The following NRG1 variants were observed in gnomAD, a reference collection of about 807,000 sequenced individuals.
NRG1 encodes the protein pro-neuregulin-1, membrane-bound isoform.
A neutral mutation model predicts 63.8 loss-of-function variants in NRG1; 18 were observed. The ratio of observed to expected loss-of-function variants is 0.28; its 90% CI spans 0.19 to 0.42. The LOEUF is 0.42. NRG1 is among the 10% of genes least tolerant of loss of function. The pLI is 1.00. For synonymous variants in NRG1, 302 were observed against 301.3 expected (o/e 1.00, Z -0.02); for missense variants, 762 against 814.7 (o/e 0.94, Z 0.79).
chr8:31,671,103 C>T (rs1010733355), intron 1 of NRG1, among the ~76,000 whole-genome samples: 1 of 152,030 alleles, frequency 6.6e-6, no homozygotes, highest in Non-Finnish European at 1.5e-5. Context: ...TTGTGGCCTC[C>T]AGCTCCATCT....
At chr8:32,364,002 G>A (rs1807593031) in intron 1 of NRG1, among the ~76,000 whole-genome samples, 2 of 145,770 alleles carry the variant, frequency 1.4e-5, no homozygotes, top group South Asian at 4.4e-4. Flanking sequence ...AATTTTTTAA[G>A]AGAACAAAAA....
intron 1 of NRG1, among the ~76,000 whole-genome samples, chr8:32,033,091 ATTTT>A (rs898802902): frequency 9.0e-6 from 1 of 111,608 alleles, no homozygotes. Context: ...TGTGCAGTCT[ATTTT>A]TTTTTTTTTT....
chr8:31,702,917 A>G (rs893083978), intron 1 of NRG1, among the ~76,000 whole-genome samples: 10 of 151,842 alleles, frequency 6.6e-5, no homozygotes, highest in Non-Finnish European at 1.2e-4. Flanking sequence ...CAAGGCCTGC[A>G]GTATAGATGG....
chr8:32,740,030 G>A (rs1413696032), intron 6 of NRG1, among the ~76,000 whole-genome samples: 2 of 151,878 alleles, frequency 1.3e-5, no homozygotes, highest in East Asian at 1.9e-4. Context: ...TCCTGGTAGA[G>A]AAACAAATAA....
chr8:31,807,642 G>C (rs1051657877), intron 1 of NRG1, among the ~76,000 whole-genome samples: 1 of 152,124 alleles, frequency 6.6e-6, no homozygotes, highest in East Asian at 1.9e-4. Context: ...CTGCAATACA[G>C]TATTGTTGAC....
At chr8:32,351,349 G>T (rs1377240453) in intron 1 of NRG1, among the ~76,000 whole-genome samples, 2 of 152,124 alleles carry the variant, frequency 1.3e-5, no homozygotes, top group African/African-American at 4.8e-5. Flanking sequence ...CATAAACCCT[G>T]ATATTGTATA....
chr8:32,240,994 C>T (rs1848045703), intron 1 of NRG1, among the ~76,000 whole-genome samples: 1 of 152,032 alleles, frequency 6.6e-6, no homozygotes, highest in Non-Finnish European at 1.5e-5. Context: ...AAAAGCAATA[C>T]AAGCCAGCAG....
intron 1 of NRG1, among the ~76,000 whole-genome samples, chr8:32,510,801 A>G (rs992682346): frequency 5.9e-5 from 9 of 152,112 alleles, no homozygotes; most frequent in African/African-American, 2.2e-4. Context: ...TCTCTAGTCC[A>G]GGCCATACCC....
chr8:32,284,489 G>GCCTTCCTTCCTTCCTTCCTT lies in NRG1; in HGVS notation c.38-311305_38-311286dup, dbSNP rs367763292. On this transcript the variant is annotated intron_variant, in intron 1 of 10. Coordinates refer to the NRG1 transcript ENST00000519301. ...ATAATGCTTGCCTCCCTGCCTGCCT[G>GCCTTCCTTCCTTCCTTCCTT]CCTTCCTTCCTTCCTTCCTTCCTTC... 3.6e-3 allele frequency among the ~76,000 whole-genome samples: 473 copies of GCCTTCCTTCCTTCCTTCCTT among 132,584 alleles called. 3 individuals are homozygous for GCCTTCCTTCCTTCCTTCCTT. The highest frequency in any genetic ancestry group is 5.0e-3 in the Non-Finnish European group (314 of 62,832). The allele number at this position is 132,584 out of a possible 152,430, so 87.0% of individuals were successfully genotyped here.
At chr8:32,708,267 T>C (rs953139851) in intron 5 of NRG1, among the ~76,000 whole-genome samples, 1 of 152,184 alleles carries the variant, frequency 6.6e-6, no homozygotes, top group Non-Finnish European at 1.5e-5. Flanking sequence ...GAAACAGCTT[T>C]TAGTCTTATC....
intron 1 of NRG1, among the ~76,000 whole-genome samples, chr8:32,475,031 G>T (rs543042938): frequency 3.3e-5 from 5 of 151,902 alleles, no homozygotes; most frequent in Non-Finnish European, 5.9e-5. Flanking sequence ...ATTATTTTTC[G>T]AATTTTGGCA....
At chr8:31,823,710 A>G (rs147572358) in intron 1 of NRG1, among the ~76,000 whole-genome samples, 1,529 of 152,330 alleles carry the variant, frequency 0.01, 9 homozygotes, top group Admixed American at 0.017. Flanking sequence ...GACCAAATCT[A>G]TGCCATGATT....
At chr8:32,595,683 G>A (rs913422038) in intron 1 of NRG1, 145 bp from the exon 2 acceptor site, 19 of 570,660 alleles carry the variant, frequency 3.3e-5, no homozygotes, top group East Asian at 6.0e-5. Context: ...ATCCATTTTC[G>A]CTCATCCATT....
At chr8:31,733,877 G>A (rs564018019) in intron 1 of NRG1, among the ~76,000 whole-genome samples, 6 of 152,100 alleles carry the variant, frequency 3.9e-5, no homozygotes, top group South Asian at 4.1e-4. Flanking sequence ...TTTCCATTCC[G>A]AAAGATATAA....
intron 1 of NRG1, among the ~76,000 whole-genome samples, chr8:32,150,529 T>A (rs889287243): frequency 1.3e-5 from 2 of 152,330 alleles, no homozygotes; most frequent in Middle Eastern, 3.4e-3. Context: ...TGTGAGGGCG[T>A]AGCAAGAGGC....
chr8:32,158,448 G>GATAGATAGATATATATATATATAT (rs1491221971), intron 1 of NRG1, among the ~76,000 whole-genome samples: 3 of 62,184 alleles, frequency 4.8e-5, no homozygotes, highest in Non-Finnish European at 1.2e-4. Flanking sequence ...TGGTTTACAT[G>GATAGATAGATATATATATATATAT]ATATATATAT....
chr8:32,651,179 G>A (rs776006072), intron 5 of NRG1, among the ~76,000 whole-genome samples: 6 of 152,064 alleles, frequency 3.9e-5, no homozygotes, highest in South Asian at 2.1e-4. Context: ...TGGCTATGTC[G>A]AATTTTCTAA....
intron 1 of NRG1, among the ~76,000 whole-genome samples, chr8:32,228,163 T>A (rs1846532732): frequency 6.6e-6 from 1 of 152,196 alleles, no homozygotes; most frequent in African/African-American, 2.4e-5. Flanking sequence ...TTGGTATTAG[T>A]TAATTGATAC....
chr8:32,743,090 C>T (rs1051614403), intron 7 of NRG1: 2 of 1,066,158 alleles, frequency 1.9e-6, no homozygotes, highest in Admixed American at 4.7e-5. Context: ...TTCTACTGAA[C>T]AGTCCATCTT....
Sources: gnomAD v4.1 joint callset for allele counts (sites outside exome capture counted in the v4.1 genomes callset) on GRCh38, gnomAD v4.1.1 for gene constraint, MANE v1.5 for transcripts, NCBI Gene and HGNC (gene_info 2026-07-23, HGNC 2026-07-21) for gene names.